Variants in RAB27B observed in about 807,000 individuals in gnomAD.
The protein encoded by RAB27B is RAB27B, member RAS oncogene family.
In RAB27B, 15 loss-of-function variants were observed where a neutral mutation model predicts 24.6. The ratio of observed to expected loss-of-function variants is 0.61; its 90% CI spans 0.41 to 0.94. RAB27B has a LOEUF of 0.94. RAB27B is among the 40% of genes least tolerant of loss of function. The probability of loss-of-function intolerance (pLI) is 0.00; values close to 1 mark genes in which losing one functional copy is unlikely to be tolerated. For missense variants in RAB27B, 261 were observed against 266.8 expected (o/e 0.98, Z 0.15); for synonymous variants, 105 against 92.5 (o/e 1.14, Z -0.78).
intron 2 of RAB27B, among the ~76,000 whole-genome samples, chr18:54,793,418 A>G (rs1281637631): frequency 1.3e-5 from 2 of 152,186 alleles, no homozygotes; most frequent in Non-Finnish European, 2.9e-5. Context: ...ACATAATGAG[A>G]GAGGAACATA....
At chr18:54,751,231 C>G (rs1273684600) in intron 2 of RAB27B, among the ~76,000 whole-genome samples, 1 of 151,964 alleles carries the variant, frequency 6.6e-6, no homozygotes, top group Non-Finnish European at 1.5e-5. Context: ...AGGATGGTAG[C>G]AGAGAGATAT....
In RAB27B at chr18:54,758,946, C is replaced by T. The variant is rs534248954; in HGVS notation, c.-20+40805C>T. 9.2e-4 allele frequency among the ~76,000 whole-genome samples: 140 copies of T among 152,292 alleles called. 1 individual carries two copies. Among genetic ancestry groups the T allele is most frequent in the Middle Eastern group, 3.4e-3 (1 of 294 alleles). On this transcript the variant is annotated intron_variant, in intron 2 of 4. Transcript: ENST00000586570. ...GAAGACTTCAAACGTCTCTCTATAGCTCTGAAATTGTATAATTAGCACAAA... is the reference window on the plus strand; with the variant it reads ...GAAGACTTCAAACGTCTCTCTATAGTTCTGAAATTGTATAATTAGCACAAA...
intron 2 of RAB27B, among the ~76,000 whole-genome samples, chr18:54,808,484 T>C (rs1909863911): frequency 6.6e-6 from 1 of 152,250 alleles, no homozygotes; most frequent in Non-Finnish European, 1.5e-5. Context: ...CGCTCATTTA[T>C]GTAGAAGTAG....
At chr18:54,792,430 C>T (rs1909279734) in intron 2 of RAB27B, among the ~76,000 whole-genome samples, 1 of 152,180 alleles carries the variant, frequency 6.6e-6, no homozygotes, top group Non-Finnish European at 1.5e-5. Flanking sequence ...ACTTTGTGTG[C>T]CACGCGCCTT....
upstream of RAB27B, chr18:54,828,374 C>CAG (rs1910545842): frequency 6.6e-6 from 1 of 152,242 alleles, no homozygotes; most frequent in South Asian, 2.1e-4. Flanking sequence ...AGGTGAGCTC[C>CAG]GCACATCCGC....
In RAB27B at chr18:54,891,295, C is replaced by T. The variant is rs182587988; in HGVS notation, c.*1882C>T. The T allele has an allele frequency of 4.0e-5, 6 of 151,124 alleles. No individual in the cohort carries two copies. The East Asian group carries it at 1.2e-3, about 29-fold the overall frequency. 9.4% of individuals were successfully genotyped at this position (151,124 alleles called of 1,614,324 possible). A position where few individuals can be genotyped will look rare whatever the true frequency, so the allele number is the denominator to read the frequency against. ...AATTTGAAAGCTTTCATGCTGTTAGCCCCTGATGAAATTCTCAGCATTAAC... is the reference window on the plus strand; with the variant it reads ...AATTTGAAAGCTTTCATGCTGTTAGTCCCTGATGAAATTCTCAGCATTAAC... On this transcript the variant is annotated 3_prime_UTR_variant, in exon 6 of 6. Coordinates refer to ENST00000262094, the MANE Select transcript of RAB27B (RefSeq NM_004163.4).
intron 1 of RAB27B, among the ~76,000 whole-genome samples, chr18:54,857,138 T>C (rs1206334070): frequency 6.6e-6 from 1 of 152,216 alleles, no homozygotes; most frequent in Non-Finnish European, 1.5e-5. Context: ...AGGAAACTTT[T>C]TGATCTTTCT....
At chr18:54,865,071 AT>A (rs1235734655) in intron 1 of RAB27B, among the ~76,000 whole-genome samples, 1 of 152,192 alleles carries the variant, frequency 6.6e-6, no homozygotes, top group Non-Finnish European at 1.5e-5. Context: ...TAGAATAATG[AT>A]AGAACAGTAC....
At chr18:54,853,408 C>G (rs1370232511) in intron 1 of RAB27B, among the ~76,000 whole-genome samples, 1 of 152,080 alleles carries the variant, frequency 6.6e-6, no homozygotes, top group Non-Finnish European at 1.5e-5. Flanking sequence ...GCCTGGCAGT[C>G]TATGGCAAGT....
At position 54,892,901 on chromosome 18, in the gene RAB27B, T is replaced by C. The variant is rs1316515863; in HGVS notation, c.*3488T>C. 6.6e-6 allele frequency: 1 copy of C among 152,062 alleles called. No homozygotes were observed. Among genetic ancestry groups the C allele is most frequent in the East Asian group, 1.9e-4 (1 of 5,198 alleles). The allele number at this position is 152,062 out of a possible 1,614,324, so 9.4% of individuals were successfully genotyped here. A position where few individuals can be genotyped will look rare whatever the true frequency, so the allele number is the denominator to read the frequency against. On this transcript the variant is annotated 3_prime_UTR_variant, in exon 6 of 6. Coordinates refer to ENST00000262094, the MANE Select transcript of RAB27B (RefSeq NM_004163.4). ...GCGAGAGTTTTAATCAGCCTTTTCT[T>C]GTCCCCTTTGTAAGAAAGAGATGCT... is the stretch of plus-strand genomic sequence containing the variant.
At chr18:54,728,903 C>CAAAAAAAAAAAAAAAAAAAAAACA (rs58878407) in intron 2 of RAB27B, among the ~76,000 whole-genome samples, 1 of 68,254 alleles carries the variant, frequency 1.5e-5, no homozygotes, top group Non-Finnish European at 2.5e-5. Context: ...AAAAAAAACC[C>CAAAAAAAAAAAAAAAAAAAAAACA]AAAAAAAAAA....
intron 2 of RAB27B, among the ~76,000 whole-genome samples, chr18:54,778,824 A>T (rs1237862716): frequency 6.8e-6 from 1 of 147,536 alleles, no homozygotes; most frequent in Non-Finnish European, 1.5e-5. Flanking sequence ...CTTTCTCTTT[A>T]CTTTCTATAC....
upstream of RAB27B, among the ~76,000 whole-genome samples, chr18:54,826,516 C>A (rs1598934448): frequency 6.6e-6 from 1 of 152,146 alleles, no homozygotes; most frequent in East Asian, 1.9e-4. Context: ...AGCCTTGGAA[C>A]CTCGGAGACA....
At chr18:54,883,135 G>A (rs755079527) in intron 3 of RAB27B, among the ~76,000 whole-genome samples, 1 of 152,100 alleles carries the variant, frequency 6.6e-6, no homozygotes, top group Non-Finnish European at 1.5e-5. Flanking sequence ...AGGAAGAGTG[G>A]CCAGTTTGGT....
rs147007959 is a variant in RAB27B, at chr18:54,795,690, A to C, written c.-20+77549A>C. The stretch of plus-strand genomic sequence containing the variant: ...GAAGAAACTCAGATAAAACAAACTT[A>C]AGTTTCAAGCTTTAAAACCAGAAGG... On this transcript the variant is annotated intron_variant, in intron 2 of 4. Transcript: ENST00000586570. Among the ~76,000 whole-genome samples, 18 of 152,244 alleles carry C rather than the reference A, an allele frequency of 1.2e-4. No homozygotes were observed. The East Asian group carries it at 3.1e-3, about 26-fold the overall frequency.
At chr18:54,871,539 A>C (rs1912463875) in intron 1 of RAB27B, among the ~76,000 whole-genome samples, 1 of 152,210 alleles carries the variant, frequency 6.6e-6, no homozygotes, top group South Asian at 2.1e-4. Flanking sequence ...TGTACACGGA[A>C]TGCAAAGAAA....
intron 2 of RAB27B, among the ~76,000 whole-genome samples, chr18:54,721,889 A>G (rs904629271): frequency 1.3e-5 from 2 of 152,222 alleles, no homozygotes; most frequent in African/African-American, 4.8e-5. Context: ...AGTTAGCCAG[A>G]TAATGAGAGG....
chr18:54,778,725 T>TA (rs1555655278), intron 2 of RAB27B, among the ~76,000 whole-genome samples: 1 of 152,194 alleles, frequency 6.6e-6, no homozygotes, highest in Non-Finnish European at 1.5e-5. Flanking sequence ...CTTCTTCCAA[T>TA]AAAAATGATC....
chr18:54,825,436 A>T (rs1029712634), upstream of RAB27B, among the ~76,000 whole-genome samples: 14 of 151,516 alleles, frequency 9.2e-5, 1 homozygote, highest in South Asian at 1.9e-3. Context: ...CATAGAAAGA[A>T]GTCTTTTCTA....
Sources: gnomAD v4.1 joint callset for allele counts (sites outside exome capture counted in the v4.1 genomes callset) on GRCh38, gnomAD v4.1.1 for gene constraint, MANE v1.5 for transcripts, NCBI Gene and HGNC (gene_info 2026-07-23, HGNC 2026-07-21) for gene names.